The following CTNND2 variants were observed in gnomAD, a reference collection of about 807,000 sequenced individuals.
CTNND2 encodes catenin delta 2, also known as catenin delta-2.
A neutral mutation model predicts 144.4 loss-of-function variants in CTNND2; 22 were observed. The observed-to-expected ratio is 0.15, with a 90% CI of 0.11 to 0.22. CTNND2 has a LOEUF of 0.22. CTNND2 is among the 10% of genes least tolerant of loss of function. CTNND2 has a pLI of 1.00. For missense variants in CTNND2, 1,353 were observed against 1,618.8 expected (o/e 0.84, Z 2.82); for synonymous variants, 751 against 695.6 (o/e 1.08, Z -1.25).
intron 3 of CTNND2, among the ~76,000 whole-genome samples, chr5:11,532,040 G>A (rs1490998840): frequency 1.3e-5 from 2 of 152,112 alleles, no homozygotes; most frequent in Admixed American, 1.3e-4. Context: ...ACCCCTTCAG[G>A]AAGAGCCAGA....
intron 1 of CTNND2, among the ~76,000 whole-genome samples, chr5:11,776,628 T>C (rs1454644193): frequency 6.6e-6 from 1 of 152,194 alleles, no homozygotes; most frequent in Non-Finnish European, 1.5e-5. Flanking sequence ...TACTAATTAA[T>C]AGCCTCAACC....
At chr5:11,003,193 T>A (rs1740133304) in intron 18 of CTNND2, among the ~76,000 whole-genome samples, 1 of 152,148 alleles carries the variant, frequency 6.6e-6, no homozygotes, top group South Asian at 2.1e-4. Flanking sequence ...ATTTTTTTTT[T>A]AAGTGACTTG....
At chr5:11,501,834 C>T (rs1770553903) in intron 3 of CTNND2, among the ~76,000 whole-genome samples, 1 of 146,824 alleles carries the variant, frequency 6.8e-6, no homozygotes, top group Admixed American at 6.6e-5. Flanking sequence ...TGGTGAAATC[C>T]CGGCTAACAT....
In CTNND2 at chr5:11,117,533, T is replaced by G. The variant is rs1326548772; in HGVS notation, c.2194A>C (p.Arg732=). The G allele has an allele frequency of 6.2e-7, 1 of 1,614,056 alleles. No individual in the cohort carries two copies. The highest frequency in any genetic ancestry group is 1.3e-5 in the African/African-American group (1 of 74,924). The change falls in exon 13 of 22, where the codon AGG becomes CGG. Residue 732 remains arginine, a synonymous_variant. Coordinates refer to ENST00000304623, the MANE Select transcript of CTNND2 (RefSeq NM_001332.4). ...VSSAGEEARR[R]MRECDGLTDA... Reference sequence around the variant, plus strand: ...GTAAGCCCATCACACTCTCTCATCCTTCTGCGGGCCTCCTCTCCGGCCGAA... The same window carrying G: ...GTAAGCCCATCACACTCTCTCATCCGTCTGCGGGCCTCCTCTCCGGCCGAA...
At chr5:11,678,715 GTAAAGA>G (rs1214818006) in intron 2 of CTNND2, among the ~76,000 whole-genome samples, 4 of 152,066 alleles carry the variant, frequency 2.6e-5, no homozygotes, top group Admixed American at 2.0e-4. Context: ...TCTTCCTTTA[GTAAAGA>G]GTAACAAACC....
At chr5:11,263,878 C>T (rs368409153) in intron 9 of CTNND2, among the ~76,000 whole-genome samples, 3 of 152,248 alleles carry the variant, frequency 2.0e-5, no homozygotes, top group South Asian at 4.1e-4. Flanking sequence ...ACACAGCGTC[C>T]CAGGTGTGGT....
intron 9 of CTNND2, among the ~76,000 whole-genome samples, chr5:11,240,716 AAAAC>A (rs924865471): frequency 1.4e-5 from 2 of 138,328 alleles, no homozygotes; most frequent in African/African-American, 5.5e-5. Flanking sequence ...ACACACACCC[AAAAC>A]ACACACTCAG....
At chr5:11,288,592 A>G (rs1747990246) in intron 9 of CTNND2, among the ~76,000 whole-genome samples, 1 of 152,130 alleles carries the variant, frequency 6.6e-6, no homozygotes, top group East Asian at 1.9e-4. Context: ...AGCTTTGGAC[A>G]AACTAATGGG....
At chr5:10,992,449 G>A (rs1738789579) in intron 19 of CTNND2, 102 bp downstream of exon 19, 3 of 1,520,324 alleles carry the variant, frequency 2.0e-6, no homozygotes, top group Non-Finnish European at 2.7e-6. Context: ...AGGTCTGAAT[G>A]GAAGGCTCTC....
At chr5:11,014,334 G>A (rs775323590) in intron 18 of CTNND2, among the ~76,000 whole-genome samples, 40 of 152,158 alleles carry the variant, frequency 2.6e-4, no homozygotes, top group Non-Finnish European at 7.3e-5. Flanking sequence ...GTTCTAAAAA[G>A]TCAAGAACTT....
intron 1 of CTNND2, among the ~76,000 whole-genome samples, chr5:11,807,271 G>C (rs932599444): frequency 1.3e-5 from 2 of 151,974 alleles, no homozygotes; most frequent in Non-Finnish European, 2.9e-5. Flanking sequence ...CTAAATATTA[G>C]ACTTATATAA....
At chr5:11,421,495 T>A (rs373461968) in intron 3 of CTNND2, among the ~76,000 whole-genome samples, 69 of 152,286 alleles carry the variant, frequency 4.5e-4, no homozygotes, top group African/African-American at 1.6e-3. Flanking sequence ...GCTAGTAACA[T>A]CATGTTGTTC....
At chr5:11,558,014 AAGAC>A (rs1283390758) in intron 3 of CTNND2, among the ~76,000 whole-genome samples, 3 of 152,212 alleles carry the variant, frequency 2.0e-5, no homozygotes, top group Non-Finnish European at 4.4e-5. Context: ...ATTTCCAAAA[AAGAC>A]AGAGGAATTA....
At chr5:11,829,433 T>C (rs1269758854) in intron 1 of CTNND2, among the ~76,000 whole-genome samples, 1 of 152,150 alleles carries the variant, frequency 6.6e-6, no homozygotes, top group East Asian at 1.9e-4. Flanking sequence ...GTGTACAGCC[T>C]AGGGACTTGG....
chr5:11,446,574 G>C (rs768017352), intron 3 of CTNND2, among the ~76,000 whole-genome samples: 21 of 152,164 alleles, frequency 1.4e-4, no homozygotes, highest in Non-Finnish European at 2.2e-4. Context: ...CTCAGATTCT[G>C]ACTTGGAGCT....
In CTNND2 at chr5:11,750,775, TCTAGA is replaced by T. The variant is rs554170730; in HGVS notation, c.38-18508_38-18504del. Among the ~76,000 whole-genome samples, 550 of 151,918 alleles carry T rather than the reference TCTAGA, an allele frequency of 3.6e-3. 5 individuals are homozygous for T. Among genetic ancestry groups the T allele is most frequent in the African/African-American group, 0.013 (520 of 41,518 alleles). On this transcript the variant is annotated intron_variant, in intron 1 of 21. Transcript: ENST00000304623. ...AAGCTTGTGACTAGACATTAGCTAG[TCTAGA>T]CTAGACTAGACATTAATACAAAATG...
chr5:11,436,240 A>C (rs980041455), intron 3 of CTNND2, among the ~76,000 whole-genome samples: 2 of 152,146 alleles, frequency 1.3e-5, no homozygotes, highest in African/African-American at 4.8e-5. Flanking sequence ...AGACCTTTCT[A>C]CAGTCAGAGC....
intron 9 of CTNND2, among the ~76,000 whole-genome samples, chr5:11,321,290 T>C (rs1752005226): frequency 6.6e-6 from 1 of 152,262 alleles, no homozygotes; most frequent in Admixed American, 6.5e-5. Context: ...GCAGATATTG[T>C]GTTGATAATA....
At chr5:11,672,993 C>T (rs1240926408) in intron 2 of CTNND2, among the ~76,000 whole-genome samples, 1 of 152,182 alleles carries the variant, frequency 6.6e-6, no homozygotes, top group African/African-American at 2.4e-5. Flanking sequence ...ATGCAGAAAT[C>T]ACCCACCTTT....
Sources: gnomAD v4.1 joint callset for allele counts (sites outside exome capture counted in the v4.1 genomes callset) on GRCh38, gnomAD v4.1.1 for gene constraint, MANE v1.5 for transcripts, NCBI Gene and HGNC (gene_info 2026-07-23, HGNC 2026-07-21) for gene names.